RADIL: variants seen among roughly 807,000 people sequenced by gnomAD.
RADIL encodes ras-associating and dilute domain-containing protein.
Under a neutral mutation model 97.6 loss-of-function variants are expected in RADIL, and 99 were observed. The observed-to-expected ratio is 1.01, with a 90% confidence interval of 0.86 to 1.20. The LOEUF (loss-of-function observed/expected upper bound fraction) is 1.20. RADIL is among the 50% of genes most tolerant of loss of function. The pLI is 0.00. For missense variants in RADIL, 1,765 were observed against 1,498.9 expected, an observed-to-expected ratio of 1.18 and a Z score of -2.93; for synonymous variants, 803 against 691.8, an observed-to-expected ratio of 1.16 and a Z score of -2.52.
chr7:4,861,834 G>GCACGTCCCACACCACCGCGACCTT, intron 2 of RADIL: 3 of 1,268,420 alleles, frequency 2.4e-6, no homozygotes, highest in East Asian at 2.7e-5. Flanking sequence ...CCCCGCCAGG[G>GCACGTCCCACACCACCGCGACCTT]CACGTCCCCC....
chr7:4,871,366 C>G (rs77623646), intron 2 of RADIL, among the ~76,000 whole-genome samples: 4,809 of 152,346 alleles, frequency 0.032, 80 homozygotes, highest in South Asian at 0.058. Flanking sequence ...ACTCACGGCA[C>G]CCCGTCGGCA....
At chr7:4,861,118 C>A in intron 2 of RADIL, 1 of 1,614,156 alleles carries the variant, frequency 6.2e-7, no homozygotes, top group Non-Finnish European at 8.5e-7. Flanking sequence ...GGCACTTGGC[C>A]CACAGTTTGA....
In RADIL at chr7:4,848,209, C is replaced by T. The variant is rs537021264; in HGVS notation, c.536-11604G>A. Reference sequence around the variant, plus strand: ...CACAGACTGGGTGACTGAGTGAGACCCCGTCTCAAAAAAAAAAAAAAATTG... The same window carrying T: ...CACAGACTGGGTGACTGAGTGAGACTCCGTCTCAAAAAAAAAAAAAAATTG... On this transcript the variant is annotated intron_variant, in intron 2 of 14. Transcript: ENST00000399583. Among the ~76,000 whole-genome samples the T allele has an allele frequency of 6.1e-4, 78 of 128,058 alleles. 1 individual carries two copies. Among genetic ancestry groups the T allele is most frequent in the African/African-American group, 2.1e-3 (65 of 31,256 alleles). The allele number at this position is 128,058 out of a possible 152,430, so 84.0% of individuals were successfully genotyped here.
chr7:4,806,312 G>A (rs1782306817), intron 9 of RADIL, among the ~76,000 whole-genome samples: 1 of 151,758 alleles, frequency 6.6e-6, no homozygotes, highest in African/African-American at 2.4e-5. Flanking sequence ...ATTATGTCCA[G>A]CTCATTAGTT....
chr7:4,871,816 C>G (rs73318126), intron 2 of RADIL, among the ~76,000 whole-genome samples: 6,372 of 152,286 alleles, frequency 0.042, 446 homozygotes, highest in African/African-American at 0.15. Context: ...GTATACCAGA[C>G]ATTGGATGGG....
chr7:4,862,883 G>C (rs1368005980), intron 2 of RADIL, among the ~76,000 whole-genome samples: 1 of 148,424 alleles, frequency 6.7e-6, no homozygotes, highest in Admixed American at 6.7e-5. Context: ...GGCAACAAGA[G>C]TGAAACTCTG....
At chr7:4,839,414 C>A (rs147174662) in intron 2 of RADIL, among the ~76,000 whole-genome samples, 2 of 151,916 alleles carry the variant, frequency 1.3e-5, no homozygotes, top group Non-Finnish European at 2.9e-5. Context: ...TATGGCCAAG[C>A]GTGTGGTCAG....
intron 11 of RADIL, among the ~76,000 whole-genome samples, chr7:4,803,129 T>C (rs13235966): frequency 9.4e-4 from 29 of 30,782 alleles, no homozygotes; most frequent in Admixed American, 2.3e-3. Flanking sequence ...CCTCCCCGGG[T>C]ACCTCGGGGC....
intron 2 of RADIL, among the ~76,000 whole-genome samples, chr7:4,855,643 A>G (rs1017298585): frequency 5.4e-5 from 8 of 148,594 alleles, no homozygotes; most frequent in African/African-American, 1.3e-4. Context: ...AAAAAAAAAA[A>G]AAAAGAAATG....
intron 2 of RADIL, chr7:4,860,805 T>C: frequency 6.2e-7 from 1 of 1,614,158 alleles, no homozygotes; most frequent in South Asian, 1.1e-5. Flanking sequence ...ATCATGACCA[T>C]CCTGGTTGAA....
At chr7:4,805,183 G>GTC (rs1782259671) in intron 10 of RADIL, 1 of 235,926 alleles carries the variant, frequency 4.2e-6, no homozygotes, top group Non-Finnish European at 8.3e-6. Context: ...ATGTGTGTGT[G>GTC]CGTGTGCACA....
chr7:4,799,999 C>T (rs1216051307), intron 13 of RADIL, among the ~76,000 whole-genome samples, 172 bp downstream of exon 13: 1 of 152,214 alleles, frequency 6.6e-6, no homozygotes, highest in Non-Finnish European at 1.5e-5. Context: ...GCCCAGGGGG[C>T]GTGGCCGTTG....
At chr7:4,800,561 C>T (rs749991637) in intron 12 of RADIL, among the ~76,000 whole-genome samples, 8 of 152,134 alleles carry the variant, frequency 5.3e-5, no homozygotes, top group Non-Finnish European at 1.2e-4. Context: ...CCAGGACACT[C>T]GCCCCTCTGG....
chr7:4,800,506 C>G (rs1782046839), intron 12 of RADIL, among the ~76,000 whole-genome samples, 196 bp from the exon 13 acceptor site: 1 of 152,128 alleles, frequency 6.6e-6, no homozygotes, highest in African/African-American at 2.4e-5. Context: ...GGGCGACACC[C>G]CCATGTTCCC....
Position 4,834,100 on chromosome 7 carries a change from G to A in RADIL, c.1416+507C>T, listed in dbSNP as rs1260513280. Among the ~76,000 whole-genome samples the A allele has an allele frequency of 6.6e-6, 1 of 152,176 alleles. No individual in the cohort carries two copies. The highest frequency in any genetic ancestry group is 1.5e-5 in the Non-Finnish European group (1 of 68,018). On this transcript the variant is annotated intron_variant, in intron 4 of 14. Transcript: ENST00000399583. This position sits in a 1 kb window ranked among gnomAD's most constrained non-coding sequence, Gnocchi z 6.0. Reference sequence around the variant, plus strand: ...AGGAAAGTTCGTCAACGCACAAAAGGTGACGGGCCCTGCACCTCCAAACTC... The same window carrying A: ...AGGAAAGTTCGTCAACGCACAAAAGATGACGGGCCCTGCACCTCCAAACTC...
intron 9 of RADIL, chr7:4,809,731 G>C: frequency 2.8e-6 from 2 of 712,644 alleles, no homozygotes; most frequent in Non-Finnish European, 3.4e-6. Context: ...CGCCCAGGCC[G>C]GAGTGCAGTG....
chr7:4,861,922 C>T (rs1784019011), intron 2 of RADIL: 1 of 638,444 alleles, frequency 1.6e-6, no homozygotes. Flanking sequence ...CTGCCCTGGT[C>T]CGACCCCACT....
intron 2 of RADIL, chr7:4,838,117 G>A (rs1783349962): frequency 1.1e-6 from 1 of 949,750 alleles, no homozygotes; most frequent in Admixed American, 6.2e-5. Flanking sequence ...GAGGCTGCTG[G>A]GCTGGGCTGC....
At chr7:4,830,438 A>T (rs894027985) in intron 5 of RADIL, among the ~76,000 whole-genome samples, 1 of 152,198 alleles carries the variant, frequency 6.6e-6, no homozygotes, top group African/African-American at 2.4e-5. Context: ...CTTTCTGCGC[A>T]AACAGCCGTT....
Sources: gnomAD v4.1 joint callset for allele counts (sites outside exome capture counted in the v4.1 genomes callset) on GRCh38, gnomAD v4.1.1 for gene constraint, Gnocchi (gnomAD v3.1) non-coding constraint, MANE v1.5 for transcripts, NCBI Gene and HGNC (gene_info 2026-07-23, HGNC 2026-07-21) for gene names.